FBXL17: variants seen among roughly 807,000 people sequenced by gnomAD.
FBXL17 encodes F-box and leucine rich repeat protein 17.
Under a neutral mutation model 66.2 loss-of-function variants are expected in FBXL17, and 22 were observed. The observed-to-expected ratio is 0.33, with a 90% CI of 0.24 to 0.47. The LOEUF is 0.47. Among genes scored for constraint, FBXL17 ranks in the 20% least tolerant of loss-of-function variants. The probability of loss-of-function intolerance (pLI) is 1.00; values close to 1 mark genes in which losing one functional copy is unlikely to be tolerated. For synonymous variants in FBXL17, 474 were observed against 400.5 expected, an observed-to-expected ratio of 1.18 and a Z score of -2.19; for missense variants, 878 against 948.2, an observed-to-expected ratio of 0.93 and a Z score of 0.97.
At chr5:107,943,187 G>A (rs1196747755) in intron 7 of FBXL17, among the ~76,000 whole-genome samples, 1 of 152,096 alleles carries the variant, frequency 6.6e-6, no homozygotes, top group Non-Finnish European at 1.5e-5. Flanking sequence ...TCTACACTTT[G>A]AGTCCCAGAC....
At chr5:107,900,130 T>C (rs895325501) in intron 7 of FBXL17, among the ~76,000 whole-genome samples, 1 of 152,196 alleles carries the variant, frequency 6.6e-6, no homozygotes, top group African/African-American at 2.4e-5. Flanking sequence ...CACCTGATAT[T>C]TTTTGTAAAA....
chr5:108,228,023 A>G lies in FBXL17; in HGVS notation c.1507-3795T>C, dbSNP rs558368384. Among the ~76,000 whole-genome samples the G allele has an allele frequency of 3.3e-5, 5 of 152,342 alleles. No homozygotes were observed. The East Asian group carries it at 9.6e-4, about 29-fold the overall frequency. ...AAGAACTCAGATGAGGATTAAGGAC[A>G]CAAGAAAACTCAGGTCCAAGAGGCC... is the stretch of plus-strand genomic sequence containing the variant. On this transcript the variant is annotated intron_variant, in intron 4 of 8. Transcript: ENST00000542267.
chr5:107,881,605 A>G (rs928741018), intron 7 of FBXL17, among the ~76,000 whole-genome samples: 1 of 152,234 alleles, frequency 6.6e-6, no homozygotes, highest in Non-Finnish European at 1.5e-5. Flanking sequence ...TTATACTGCA[A>G]GTGAATGTCT....
At chr5:108,089,614 G>A (rs539815958) in intron 6 of FBXL17, among the ~76,000 whole-genome samples, 2 of 152,104 alleles carry the variant, frequency 1.3e-5, no homozygotes, top group Non-Finnish European at 2.9e-5. Flanking sequence ...GTATTTGTTT[G>A]TGATTATTTG....
At chr5:108,107,308 G>T (rs1476229752) in intron 6 of FBXL17, among the ~76,000 whole-genome samples, 2 of 152,102 alleles carry the variant, frequency 1.3e-5, no homozygotes, top group African/African-American at 2.4e-5. Flanking sequence ...CCGACCTCAG[G>T]TGATCCACCC....
intron 4 of FBXL17, among the ~76,000 whole-genome samples, chr5:108,311,666 G>T (rs753405760): frequency 6.6e-6 from 1 of 151,946 alleles, no homozygotes; most frequent in Non-Finnish European, 1.5e-5. Flanking sequence ...ATCCCCATTT[G>T]CCATTCTGCA....
chr5:108,071,927 C>A (rs1035682372), intron 6 of FBXL17, among the ~76,000 whole-genome samples: 1 of 152,100 alleles, frequency 6.6e-6, no homozygotes, highest in Non-Finnish European at 1.5e-5. Flanking sequence ...TCTGTGGAAT[C>A]TAATATGCCA....
intron 7 of FBXL17, among the ~76,000 whole-genome samples, chr5:107,958,878 T>C (rs1751774608): frequency 6.6e-6 from 1 of 152,178 alleles, no homozygotes; most frequent in African/African-American, 2.4e-5. Context: ...ATGGAAAAAT[T>C]ACATCATGTT....
chr5:108,298,245 TCTTCTTGCTA>T, intron 4 of FBXL17: 2 of 984,524 alleles, frequency 2.0e-6, no homozygotes, highest in Non-Finnish European at 2.4e-6. Context: ...TAAGTTATAG[TCTTCTTGCTA>T]CTTCTTACTA....
At position 108,381,082 on chromosome 5, in the gene FBXL17, C is replaced by T. The variant is rs1293145906; in HGVS notation, c.610G>A (p.Val204Ile). 1 of 1,263,228 alleles carries T rather than the reference C, an allele frequency of 7.9e-7. No homozygotes were observed. Among genetic ancestry groups the T allele is most frequent in the East Asian group, 3.2e-5 (1 of 31,404 alleles). 78.3% of individuals were successfully genotyped at this position (1,263,228 alleles called of 1,614,324 possible). A position where few individuals can be genotyped will look rare whatever the true frequency, so the allele number is the denominator to read the frequency against. The change falls in exon 1 of 9, where the codon GTC becomes ATC. Residue 204 changes from valine (V) to isoleucine (I), a missense_variant. Physicochemically the swap from Val to Ile is conservative, Grantham distance 29 (BLOSUM62 3). This residue lies in a region of FBXL17 where 605 missense variants were observed against 509.5 expected (regional missense o/e 1.19). Transcript: ENST00000542267. Reference protein sequence around the residue: ...EMVCKRKGAGVPACTPCKQPR... With the variant: ...EMVCKRKGAGIPACTPCKQPR... ...TGCTTGCAGGGGGTGCAGGCGGGGA[C>T]CCCGGCCCCCTTCCGCTTGCACACC... is the stretch of plus-strand genomic sequence containing the variant.
At chr5:108,075,368 A>G (rs1748503587) in intron 6 of FBXL17, among the ~76,000 whole-genome samples, 1 of 152,178 alleles carries the variant, frequency 6.6e-6, no homozygotes, top group Non-Finnish European at 1.5e-5. Context: ...CTGTGCTTTG[A>G]GATGTAAATT....
intron 6 of FBXL17, among the ~76,000 whole-genome samples, chr5:108,102,659 CTTTCA>C (rs931607457): frequency 1.3e-5 from 2 of 152,130 alleles, no homozygotes; most frequent in Admixed American, 6.6e-5. Flanking sequence ...TTTTGTTTTG[CTTTCA>C]TTTAAGTTCA....
intron 2 of FBXL17, among the ~76,000 whole-genome samples, chr5:108,366,014 G>C (rs1331301139): frequency 6.6e-6 from 1 of 152,046 alleles, no homozygotes; most frequent in Non-Finnish European, 1.5e-5. Context: ...GTATACATCA[G>C]TAATAATGTT....
intron 6 of FBXL17, among the ~76,000 whole-genome samples, chr5:108,141,086 C>T (rs1412138136): frequency 1.3e-5 from 2 of 152,132 alleles, no homozygotes; most frequent in Non-Finnish European, 2.9e-5. Flanking sequence ...CCCCTGTCTA[C>T]CTTGCCTGCT....
chr5:108,185,159 C>T (rs186352016), intron 6 of FBXL17, among the ~76,000 whole-genome samples: 90 of 152,224 alleles, frequency 5.9e-4, no homozygotes, highest in African/African-American at 2.1e-3. Flanking sequence ...ACGTGACTTC[C>T]ATTTCTGAAA....
At position 108,348,459 on chromosome 5, in the gene FBXL17, C is replaced by T; in HGVS notation, c.1446G>A (p.Met482Ile). 1 of 1,613,678 alleles carries T rather than the reference C, an allele frequency of 6.2e-7. No homozygotes were observed. The highest frequency in any genetic ancestry group is 8.5e-7 in the Non-Finnish European group (1 of 1,179,676). Residue 482 changes from methionine to isoleucine, a missense_variant, in exon 4 of 9, where the codon ATG becomes ATA. Physicochemically the swap from Met to Ile is conservative, Grantham distance 10 (BLOSUM62 1). Coordinates refer to ENST00000542267, the MANE Select transcript of FBXL17 (RefSeq NM_001163315.3). Reference protein sequence around the residue: ...GQCYKISDEGMIVIAKGCLKL... With the variant: ...GQCYKISDEGIIVIAKGCLKL... ...TCAGACAGCCCTTAGCTATGACGAT[C>T]ATGCCTTCATCTGAGATCTTGTAAC... is the stretch of plus-strand genomic sequence containing the variant.
At chr5:107,961,175 T>G (rs1386494021) in intron 7 of FBXL17, among the ~76,000 whole-genome samples, 1 of 151,994 alleles carries the variant, frequency 6.6e-6, no homozygotes, top group African/African-American at 2.4e-5. Context: ...AGCTGCTTTT[T>G]TCTTTTCTTT....
At chr5:108,089,273 G>C (rs1373809407) in intron 6 of FBXL17, among the ~76,000 whole-genome samples, 5 of 152,072 alleles carry the variant, frequency 3.3e-5, no homozygotes, top group Non-Finnish European at 5.9e-5. Context: ...TGCTGCTTTT[G>C]GGGTAAAGAC....
At chr5:107,959,788 C>G (rs1267050373) in intron 7 of FBXL17, among the ~76,000 whole-genome samples, 1 of 152,150 alleles carries the variant, frequency 6.6e-6, no homozygotes, top group Non-Finnish European at 1.5e-5. Flanking sequence ...AAGTTGTGGT[C>G]AGAAACAACC....
Sources: allele counts gnomAD v4.1 joint callset (sites outside exome capture counted in the v4.1 genomes callset), GRCh38; gene constraint gnomAD v4.1.1; regional missense constraint gnomAD v4.1.1; transcripts MANE v1.5; gene names NCBI Gene and HGNC (gene_info 2026-07-23, HGNC 2026-07-21).